RAD23B: variants seen among roughly 807,000 people sequenced by gnomAD.
RAD23B encodes the protein lysine-specific demethylase RAD23B.
Under a neutral mutation model 49.1 loss-of-function variants are expected in RAD23B, and 5 were observed. The observed-to-expected ratio is 0.10, with a 90% CI of 0.05 to 0.21. The LOEUF (loss-of-function observed/expected upper bound fraction) is 0.21, where lower values mean the gene tolerates loss of function less well. RAD23B is among the 10% of genes least tolerant of loss of function. The pLI, the probability that RAD23B is intolerant of heterozygous loss-of-function variation, is 1.00. For synonymous variants in RAD23B, 184 were observed against 165.4 expected, an observed-to-expected ratio of 1.11 and a Z score of -0.86; for missense variants, 356 against 486.7, an observed-to-expected ratio of 0.73 and a Z score of 2.53.
chr9:107,300,458 T>A (rs879367968), intron 2 of RAD23B, among the ~76,000 whole-genome samples: 3 of 152,132 alleles, frequency 2.0e-5, no homozygotes, highest in Non-Finnish European at 4.4e-5. Context: ...TTTGTAAGCA[T>A]CGTGTAACTG....
chr9:107,291,997 A>G (rs1346604971), intron 1 of RAD23B, among the ~76,000 whole-genome samples: 1 of 152,238 alleles, frequency 6.6e-6, no homozygotes, highest in Non-Finnish European at 1.5e-5. Flanking sequence ...GTATAGTAAA[A>G]TGAGAATGGC....
chr9:107,292,033 T>G (rs1415322525), intron 1 of RAD23B, among the ~76,000 whole-genome samples: 7 of 152,204 alleles, frequency 4.6e-5, no homozygotes, highest in Admixed American at 3.9e-4. Flanking sequence ...AAGGAACCAC[T>G]GTAGACTCTG....
At chr9:107,303,513 T>A (rs916724090) in intron 3 of RAD23B, among the ~76,000 whole-genome samples, 3 of 152,230 alleles carry the variant, frequency 2.0e-5, no homozygotes, top group Admixed American at 6.5e-5. Flanking sequence ...TAGGTTTTTT[T>A]ATTCAACTGT....
Position 107,285,166 on chromosome 9 carries a change from T to C in RAD23B, c.66+1471T>C, listed in dbSNP as rs116818174. Among the ~76,000 whole-genome samples the C allele has an allele frequency of 2.7e-3, 418 of 152,348 alleles. 1 individual carries two copies. Among genetic ancestry groups the C allele is most frequent in the African/African-American group, 9.7e-3 (402 of 41,574 alleles). On this transcript the variant is annotated intron_variant, in intron 1 of 9. Coordinates refer to ENST00000358015, the MANE Select transcript of RAD23B (RefSeq NM_002874.5). ...GATCTCAGTTATACATGAGAAACTT[T>C]TCAGTGTCCTCAGAAGTAATTGACA...
chr9:107,315,129 T>C (rs1192406379), intron 5 of RAD23B, among the ~76,000 whole-genome samples: 1 of 151,854 alleles, frequency 6.6e-6, no homozygotes, highest in Non-Finnish European at 1.5e-5. Context: ...TAGGCTTTAA[T>C]CTGTTTTGAG....
At chr9:107,307,503 G>C (rs577366866) in intron 4 of RAD23B, among the ~76,000 whole-genome samples, 1 of 152,334 alleles carries the variant, frequency 6.6e-6, no homozygotes, top group African/African-American at 2.4e-5. Context: ...ACAGCTGTTT[G>C]TATTTTGTGA....
intron 6 of RAD23B, among the ~76,000 whole-genome samples, chr9:107,319,476 G>A (rs1827066680): frequency 6.6e-6 from 1 of 152,036 alleles, no homozygotes; most frequent in South Asian, 2.1e-4. Flanking sequence ...TGCTTATACT[G>A]TGTATATTTC....
intron 1 of RAD23B, among the ~76,000 whole-genome samples, chr9:107,295,709 C>G (rs904041151): frequency 1.3e-5 from 2 of 152,096 alleles, no homozygotes; most frequent in African/African-American, 4.8e-5. Flanking sequence ...TCTCCACTAG[C>G]ATTTAGAAAA....
rs895772663 is a variant in RAD23B, at chr9:107,283,783, G to T, written c.66+88G>T. On this transcript the variant is annotated intron_variant, in intron 1 of 9. Transcript: ENST00000358015. ...GTGGGGCCGGGCGGCGCGCTCCAGC[G>T]GGGGAAGCCCCGGAGGGCGCGATGA... The T allele has an allele frequency of 5.8e-6, 7 of 1,215,106 alleles. No individual in the cohort carries two copies. In the African/African-American group the frequency reaches 1.1e-4, roughly 20 times the overall value. 75.3% of individuals were successfully genotyped at this position (1,215,106 alleles called of 1,614,324 possible).
At chr9:107,326,220 G>A (rs1468713670) in intron 9 of RAD23B, among the ~76,000 whole-genome samples, 3 of 152,036 alleles carry the variant, frequency 2.0e-5, no homozygotes, top group Admixed American at 2.0e-4. Context: ...GGTAATACTG[G>A]CCTCTTAGGG....
At chr9:107,284,920 A>G in intron 1 of RAD23B, 5 of 1,298,416 alleles carry the variant, frequency 3.9e-6, no homozygotes, top group Non-Finnish European at 5.1e-6. Flanking sequence ...GATGGTATGT[A>G]TTTACTTGGT....
chr9:107,311,754 C>A lies in RAD23B; in HGVS notation c.553+17C>A, dbSNP rs1326167838. Reference sequence around the variant, plus strand: ...GTGCACTTGGTAAGTATCTGCTTTTCCTTATAAATAACCTATAAAGAGATA... The same window carrying A: ...GTGCACTTGGTAAGTATCTGCTTTTACTTATAAATAACCTATAAAGAGATA... On this transcript the variant is annotated intron_variant, in intron 5 of 9. Coordinates refer to ENST00000358015, the MANE Select transcript of RAD23B (RefSeq NM_002874.5). The A allele has an allele frequency of 1.3e-6, 2 of 1,549,580 alleles. No homozygotes were observed. The highest frequency in any genetic ancestry group is 1.2e-5 in the South Asian group (1 of 81,220).
At chr9:107,286,080 T>A (rs753161900) in intron 1 of RAD23B, among the ~76,000 whole-genome samples, 1 of 152,218 alleles carries the variant, frequency 6.6e-6, no homozygotes, top group Non-Finnish European at 1.5e-5. Flanking sequence ...TATTGAGACC[T>A]GTTTTTGGTC....
chr9:107,312,780 G>A (rs1171464303), intron 5 of RAD23B, among the ~76,000 whole-genome samples: 1 of 152,196 alleles, frequency 6.6e-6, no homozygotes, highest in Non-Finnish European at 1.5e-5. Context: ...ACCCAGAGAG[G>A]CAGTAAACTG....
chr9:107,324,189 T>A (rs891780097), intron 8 of RAD23B, among the ~76,000 whole-genome samples, 172 bp downstream of exon 8: 2 of 152,186 alleles, frequency 1.3e-5, no homozygotes, highest in East Asian at 3.8e-4. Context: ...AAAAAACAGT[T>A]GGGATATGGA....
At chr9:107,322,604 A>G (rs778845018) in intron 7 of RAD23B, among the ~76,000 whole-genome samples, 2 of 152,308 alleles carry the variant, frequency 1.3e-5, no homozygotes, top group South Asian at 2.1e-4. Context: ...GGTGCTGACC[A>G]TACCCCACAC....
chr9:107,296,486 T>C (rs1038099352), intron 1 of RAD23B, among the ~76,000 whole-genome samples: 11 of 152,310 alleles, frequency 7.2e-5, no homozygotes, highest in Admixed American at 6.5e-4. Flanking sequence ...GCTGTGACTG[T>C]GTAATTGTGA....
chr9:107,323,072 TTC>T (rs1827141252), intron 7 of RAD23B, among the ~76,000 whole-genome samples: 1 of 152,228 alleles, frequency 6.6e-6, no homozygotes, highest in Admixed American at 6.5e-5. Context: ...CATCTAAAAA[TTC>T]TCTTTTATTC....
chr9:107,315,208 C>G (rs1826966735), intron 5 of RAD23B, among the ~76,000 whole-genome samples: 2 of 152,140 alleles, frequency 1.3e-5, no homozygotes, highest in South Asian at 2.1e-4. Context: ...TCCAATTTCC[C>G]AGCACCATTT....
Sources: gnomAD v4.1 joint callset for allele counts (sites outside exome capture counted in the v4.1 genomes callset) on GRCh38, gnomAD v4.1.1 for gene constraint, MANE v1.5 for transcripts, NCBI Gene and HGNC (gene_info 2026-07-23, HGNC 2026-07-21) for gene names.